HECW1: variants seen among roughly 807,000 people sequenced by gnomAD.
HECW1 encodes E3 ubiquitin-protein ligase HECW1.
Under a neutral mutation model 182.3 loss-of-function variants are expected in HECW1, and 61 were observed. That is an observed-to-expected ratio of 0.33 (90% CI 0.27 to 0.41). The LOEUF is 0.41. Ranked by LOEUF, HECW1 falls within the 10% of genes least tolerant of loss-of-function variation. The probability of loss-of-function intolerance (pLI) is 1.00; values close to 1 mark genes in which losing one functional copy is unlikely to be tolerated. For synonymous variants in HECW1, 859 were observed against 832.6 expected, an observed-to-expected ratio of 1.03 and a Z score of -0.55; for missense variants, 1,739 against 2,108.9, an observed-to-expected ratio of 0.82 and a Z score of 3.44.
Position 43,415,743 on chromosome 7 carries a change from T to C in HECW1, c.801+8012T>C, listed in dbSNP as rs1300022061. 2.8e-5 allele frequency among the ~76,000 whole-genome samples: 4 copies of C among 143,582 alleles called. No individual in the cohort carries two copies. In the Admixed American group the frequency reaches 2.8e-4, roughly 10 times the overall value. The allele number at this position is 143,582 out of a possible 152,430, so 94.2% of individuals were successfully genotyped here. A position where few individuals can be genotyped will look rare whatever the true frequency, so the allele number is the denominator to read the frequency against. On this transcript the variant is annotated intron_variant, in intron 8 of 29. Transcript: ENST00000395891. The stretch of plus-strand genomic sequence containing the variant: ...TTGCTCATTTCTTTTTATTCTTTTT[T>C]CTCTAAACTTCCCTTCTCACTTCAT...
At chr7:43,500,598 A>G (rs779381172) in intron 19 of HECW1, 101 bp from the exon 20 acceptor site, 1 of 936,516 alleles carries the variant, frequency 1.1e-6, no homozygotes, top group South Asian at 1.4e-5. Context: ...GGACATTGCT[A>G]TTCAGCAGTA....
At chr7:43,551,455 A>T (rs1460896210) in intron 27 of HECW1, among the ~76,000 whole-genome samples, 1 of 152,226 alleles carries the variant, frequency 6.6e-6, no homozygotes, top group African/African-American at 2.4e-5. Flanking sequence ...ACAAATGCTC[A>T]ATTTTAGGAA....
At chr7:43,260,030 G>A (rs560477774) in intron 3 of HECW1, among the ~76,000 whole-genome samples, 139 of 152,212 alleles carry the variant, frequency 9.1e-4, no homozygotes, top group African/African-American at 3.2e-3. Flanking sequence ...TCAAACTTCT[G>A]AAAACCAAAG....
intron 28 of HECW1, 94 bp from the exon 29 acceptor site, chr7:43,554,498 C>T (rs1014273242): frequency 1.8e-6 from 2 of 1,101,894 alleles, no homozygotes; most frequent in Non-Finnish European, 2.7e-6. Flanking sequence ...GGTTCCGTTC[C>T]TATCATACCT....
intron 17 of HECW1, among the ~76,000 whole-genome samples, chr7:43,485,202 T>C (rs1196039503): frequency 2.0e-5 from 3 of 152,172 alleles, no homozygotes; most frequent in African/African-American, 2.4e-5. Context: ...AAGTCACTCT[T>C]AGTCATTCTT....
At chr7:43,463,342 A>G (rs941868822) in intron 13 of HECW1, among the ~76,000 whole-genome samples, 1 of 151,886 alleles carries the variant, frequency 6.6e-6, no homozygotes, top group African/African-American at 2.4e-5. Context: ...TACTTCCCAC[A>G]CTCTTATTTT....
intron 16 of HECW1, among the ~76,000 whole-genome samples, chr7:43,470,488 G>T (rs977969157): frequency 3.9e-5 from 6 of 152,166 alleles, no homozygotes; most frequent in African/African-American, 1.4e-4. Context: ...AATGCAATAA[G>T]CCCTAGTTCT....
intron 9 of HECW1, chr7:43,440,136 C>T (rs1273803301): frequency 6.6e-6 from 1 of 152,338 alleles, no homozygotes; most frequent in Non-Finnish European, 1.5e-5. Flanking sequence ...GGCCATGCAG[C>T]CTGAGCCATG....
chr7:43,235,310 G>C (rs1798231444), intron 2 of HECW1, among the ~76,000 whole-genome samples: 1 of 152,198 alleles, frequency 6.6e-6, no homozygotes, highest in African/African-American at 2.4e-5. Context: ...CTTGATGGGG[G>C]ACCTCTGTCC....
intron 24 of HECW1, among the ~76,000 whole-genome samples, chr7:43,535,767 G>A (rs1227976057): frequency 1.3e-5 from 2 of 152,106 alleles, no homozygotes; most frequent in African/African-American, 2.4e-5. Context: ...CTCACCAACT[G>A]GTAATCAGGG....
chr7:43,263,025 G>A lies in HECW1; in HGVS notation c.27+19093G>A, dbSNP rs183420102. Among the ~76,000 whole-genome samples, 363 of 152,340 alleles carry A rather than the reference G, an allele frequency of 2.4e-3. 2 individuals are homozygous for A. Among genetic ancestry groups the A allele is most frequent in the Admixed American group, 3.7e-3 (57 of 15,302 alleles). ...TATTTAAAAGAATTGATATCAAAATGACAAGAGTGGTTATGATGGCTAGCA... is the reference window on the plus strand; with the variant it reads ...TATTTAAAAGAATTGATATCAAAATAACAAGAGTGGTTATGATGGCTAGCA... On this transcript the variant is annotated intron_variant, in intron 3 of 29. Coordinates refer to ENST00000395891, the MANE Select transcript of HECW1 (RefSeq NM_015052.5).
chr7:43,528,014 G>A (rs370526731), intron 24 of HECW1, among the ~76,000 whole-genome samples: 23 of 152,148 alleles, frequency 1.5e-4, no homozygotes, highest in African/African-American at 5.3e-4. Context: ...ATTAGCTAAC[G>A]TTAATAGCTA....
chr7:43,137,184 G>T (rs1048937048), intron 2 of HECW1, among the ~76,000 whole-genome samples: 3 of 152,082 alleles, frequency 2.0e-5, no homozygotes, highest in Non-Finnish European at 4.4e-5. Flanking sequence ...CTGAATCACC[G>T]AAGGAGCACT....
At chr7:43,175,035 C>T (rs557874722) in intron 2 of HECW1, among the ~76,000 whole-genome samples, 10 of 152,308 alleles carry the variant, frequency 6.6e-5, no homozygotes, top group Non-Finnish European at 1.0e-4. Context: ...TACCTATGGG[C>T]TCCCCAATCC....
chr7:43,162,033 G>GA (rs887789054), intron 2 of HECW1, among the ~76,000 whole-genome samples: 13 of 152,046 alleles, frequency 8.6e-5, no homozygotes, highest in African/African-American at 2.9e-4. Flanking sequence ...CTGGTGGAAG[G>GA]AAAAAAATGA....
intron 5 of HECW1, among the ~76,000 whole-genome samples, chr7:43,343,420 G>GC (rs1257992406): frequency 6.6e-6 from 1 of 151,384 alleles, no homozygotes; most frequent in African/African-American, 2.4e-5. Context: ...CCCTCACCCT[G>GC]CCCCCCAACC....
chr7:43,420,929 C>T (rs1362641563), intron 8 of HECW1, among the ~76,000 whole-genome samples: 1 of 152,046 alleles, frequency 6.6e-6, no homozygotes, highest in East Asian at 1.9e-4. Flanking sequence ...GTTAATGTAA[C>T]TTGACAAGCT....
At chr7:43,492,225 C>T (rs1280180859) in intron 18 of HECW1, 45 bp downstream of exon 18, 4 of 1,313,076 alleles carry the variant, frequency 3.0e-6, no homozygotes, top group African/African-American at 3.0e-5. Context: ...AGAATAGCAA[C>T]ACCTAGACTT....
In HECW1 at chr7:43,488,452, G is replaced by GAAAGAAAGAAAGAA. The variant is rs1563046155; in HGVS notation, c.3235-3621_3235-3608dup. 9.1e-5 allele frequency among the ~76,000 whole-genome samples: 13 copies of GAAAGAAAGAAAGAA among 143,590 alleles called. 1 individual carries two copies. 94.2% of individuals were successfully genotyped at this position (143,590 alleles called of 152,430 possible). ...AAAGAAAGAGAAAGAAAGAAAGAAA[G>GAAAGAAAGAAAGAA]AAAGAAAGAAAGAAAGAAAGAAAGA... On this transcript the variant is annotated intron_variant, in intron 17 of 29. Coordinates refer to ENST00000395891, the MANE Select transcript of HECW1 (RefSeq NM_015052.5).
Sources: gnomAD v4.1 joint callset for allele counts (sites outside exome capture counted in the v4.1 genomes callset) on GRCh38, gnomAD v4.1.1 for gene constraint, MANE v1.5 for transcripts, NCBI Gene and HGNC (gene_info 2026-07-23, HGNC 2026-07-21) for gene names.